TDP1: variants seen among roughly 807,000 people sequenced by gnomAD.
TDP1 encodes the protein tyr-DNA phosphodiesterase 1.
In TDP1, 64 loss-of-function variants were observed where a neutral mutation model predicts 81.5. The observed-to-expected ratio is 0.79, with a 90% CI of 0.64 to 0.97. The LOEUF is 0.97. TDP1 is among the 50% of genes least tolerant of loss of function. The pLI, the probability that TDP1 is intolerant of heterozygous loss-of-function variation, is 0.00. For synonymous variants in TDP1, 256 were observed against 264.3 expected (o/e 0.97, Z 0.30); for missense variants, 723 against 743.8 (o/e 0.97, Z 0.33).
chr14:89,968,687 C>T (rs773950941), intron 5 of TDP1, among the ~76,000 whole-genome samples: 3 of 152,234 alleles, frequency 2.0e-5, no homozygotes, highest in Non-Finnish European at 2.9e-5. Context: ...TCTGCCTTGG[C>T]TCCTCCTCGC....
chr14:89,986,144 C>T (rs1165137606), intron 10 of TDP1, among the ~76,000 whole-genome samples: 2 of 152,150 alleles, frequency 1.3e-5, no homozygotes, highest in African/African-American at 4.8e-5. Context: ...TTTTAATTTC[C>T]TTTTATGAAA....
At chr14:90,042,341 A>G (rs1888436955) in intron 16 of TDP1, among the ~76,000 whole-genome samples, 2 of 152,166 alleles carry the variant, frequency 1.3e-5, no homozygotes, top group African/African-American at 4.8e-5. Context: ...TGTCTGCCAG[A>G]TACAATGTCT....
chr14:89,998,605 T>C (rs933003309), intron 14 of TDP1, among the ~76,000 whole-genome samples: 5 of 150,790 alleles, frequency 3.3e-5, no homozygotes, highest in Middle Eastern at 3.4e-3. Flanking sequence ...TCCTGTAGGG[T>C]GTGAGTGCTC....
intron 14 of TDP1, among the ~76,000 whole-genome samples, chr14:90,007,594 G>A (rs572847316): frequency 2.6e-5 from 4 of 152,048 alleles, no homozygotes; most frequent in African/African-American, 4.8e-5. Flanking sequence ...GTCTCGGGGC[G>A]GGAAACTGGG....
intron 14 of TDP1, among the ~76,000 whole-genome samples, chr14:90,018,653 A>G (rs1368434291): frequency 3.9e-5 from 6 of 151,916 alleles, no homozygotes; most frequent in Non-Finnish European, 5.9e-5. Flanking sequence ...TGGTTTTGCC[A>G]TCTTTCCCAG....
At chr14:89,975,678 GT>G in intron 6 of TDP1, 102 bp from the exon 7 acceptor site, 6 of 1,107,248 alleles carry the variant, frequency 5.4e-6, no homozygotes, top group African/African-American at 3.2e-5. Flanking sequence ...AGTAAAAATA[GT>G]TTTAAAAAAA....
At chr14:89,961,443 AAAAAG>A (rs1253294486) in intron 2 of TDP1, among the ~76,000 whole-genome samples, 2 of 152,244 alleles carry the variant, frequency 1.3e-5, no homozygotes, top group African/African-American at 2.4e-5. Context: ...CTGCTGAAGA[AAAAAG>A]AACCTTGTGG....
At chr14:89,965,899 C>T in intron 3 of TDP1, 26 of 980,024 alleles carry the variant, frequency 2.7e-5, no homozygotes, top group Non-Finnish European at 3.2e-5. Context: ...ATCAATCATT[C>T]AGTACTGAAG....
intron 15 of TDP1, among the ~76,000 whole-genome samples, chr14:90,029,197 T>TA (rs1886982189): frequency 7.8e-6 from 1 of 127,988 alleles, no homozygotes; most frequent in African/African-American, 4.1e-5. Context: ...TGCCATTATT[T>TA]TTTTTTTTTT....
chr14:90,034,879 C>T (rs1451354603), intron 16 of TDP1, among the ~76,000 whole-genome samples: 1 of 152,222 alleles, frequency 6.6e-6, no homozygotes, highest in African/African-American at 2.4e-5. Context: ...TTCATGGAAT[C>T]TAACAACTTC....
intron 14 of TDP1, 31 bp from the exon 15 acceptor site, chr14:90,019,285 G>A (rs1885685617): frequency 3.4e-6 from 5 of 1,480,742 alleles, no homozygotes; most frequent in Non-Finnish European, 4.7e-6. Context: ...GCCTCCCTGA[G>A]TCAGCCCTAT....
At chr14:89,964,759 G>A (rs1038983675) in intron 3 of TDP1, 4 of 338,692 alleles carry the variant, frequency 1.2e-5, no homozygotes, top group African/African-American at 4.4e-5. Flanking sequence ...GCCAAGTTTT[G>A]CTCTATATAA....
chr14:89,989,452 T>C, intron 11 of TDP1: 1 of 979,502 alleles, frequency 1.0e-6, no homozygotes, highest in African/African-American at 1.7e-5. Flanking sequence ...GAACTGTGAA[T>C]TAATAATTAA....
chr14:89,976,292 G>T (rs964023401), intron 7 of TDP1, among the ~76,000 whole-genome samples: 13 of 151,940 alleles, frequency 8.6e-5, no homozygotes, highest in Non-Finnish European at 1.8e-4. Context: ...AGAGACAGGG[G>T]TCTCACTTTG....
intron 15 of TDP1, among the ~76,000 whole-genome samples, chr14:90,032,469 G>A (rs1398526007): frequency 6.6e-6 from 1 of 152,092 alleles, no homozygotes; most frequent in Non-Finnish European, 1.5e-5. Flanking sequence ...CGGTCATGTG[G>A]TAAGCACCTG....
chr14:90,037,675 C>T (rs1043668145), intron 16 of TDP1, among the ~76,000 whole-genome samples: 1 of 152,134 alleles, frequency 6.6e-6, no homozygotes, highest in Non-Finnish European at 1.5e-5. Flanking sequence ...GAGTAGCAAA[C>T]GTGATGTCCT....
rs1192605602 is a variant in TDP1 at position 89,967,547 on chromosome 14, A to G, written c.659+125A>G. On this transcript the variant is annotated intron_variant, in intron 5 of 16. Transcript: ENST00000335725. ...TTTCTTTTGAAACTGTTGAAATCAC[A>G]CAGACATTAAGTTATATCCGGAAAA... is the stretch of plus-strand genomic sequence containing the variant. The G allele has an allele frequency of 1.4e-5, 11 of 806,786 alleles. No homozygotes were observed. The African/African-American group carries it at 1.9e-4, about 14-fold the overall frequency. The allele number at this position is 806,786 out of a possible 1,614,324, so 50.0% of individuals were successfully genotyped here. A position where few individuals can be genotyped will look rare whatever the true frequency, so the allele number is the denominator to read the frequency against.
intron 7 of TDP1, among the ~76,000 whole-genome samples, chr14:89,976,630 G>C (rs956655588): frequency 6.8e-6 from 1 of 146,558 alleles, no homozygotes; most frequent in Admixed American, 7.0e-5. Flanking sequence ...TCCATCTCCT[G>C]GGTTCAAACG....
intron 15 of TDP1, among the ~76,000 whole-genome samples, chr14:90,024,787 A>G (rs1886464767): frequency 6.6e-6 from 1 of 152,216 alleles, no homozygotes; most frequent in South Asian, 2.1e-4. Context: ...GTTTACTGAC[A>G]AGAATGCAGT....
Sources: gnomAD v4.1 joint callset for allele counts (sites outside exome capture counted in the v4.1 genomes callset) on GRCh38, gnomAD v4.1.1 for gene constraint, MANE v1.5 for transcripts, NCBI Gene and HGNC (gene_info 2026-07-23, HGNC 2026-07-21) for gene names.